Variants in GCN1 observed in about 807,000 individuals in gnomAD.
GCN1 encodes the protein GCN1 activator of EIF2AK4.
GCN1 carries 90 observed loss-of-function variants against 288.4 expected under a neutral mutation model. The ratio of observed to expected loss-of-function variants is 0.31; its 90% CI spans 0.26 to 0.37. The LOEUF (loss-of-function observed/expected upper bound fraction) is 0.37, where lower values mean the gene tolerates loss of function less well. Ranked by LOEUF, GCN1 falls within the 10% of genes least tolerant of loss-of-function variation. The pLI, the probability that GCN1 is intolerant of heterozygous loss-of-function variation, is 1.00. For missense variants in GCN1, 2,586 were observed against 3,419.9 expected (o/e 0.76, Z 6.08); for synonymous variants, 1,386 against 1,420.2 (o/e 0.98, Z 0.54).
At position 120,164,674 on chromosome 12, in the gene GCN1, G is replaced by A. The variant is rs1246025038; in HGVS notation, c.1660C>T (p.Pro554Ser). Residue 554 changes from proline to serine, a missense_variant, in exon 17 of 58, where the codon CCG becomes TCG. Pro to Ser is a moderately conservative substitution (Grantham distance 74). Around this residue, in one of 8 missense-constraint regions of GCN1, gnomAD observed 913 missense variants for 1,107.0 expected, o/e 0.82. Coordinates refer to ENST00000300648, the MANE Select transcript of GCN1 (RefSeq NM_006836.2). ...ACTTTGTTGCCAGTGAGTCTATGCG[G>A]GTGGTCAAGGAAAAGTCTCTCTGTC... Reference protein sequence around the residue: ...HLTERLFLDHPHRLTGNKVQQ... With the variant: ...HLTERLFLDHSHRLTGNKVQQ... The A allele has an allele frequency of 1.9e-6, 3 of 1,613,820 alleles. No individual in the cohort carries two copies. The highest frequency in any genetic ancestry group is 1.7e-5 in the Admixed American group (1 of 60,022).
intron 46 of GCN1, 112 bp downstream of exon 46, chr12:120,138,583 C>T (rs1489413937): frequency 5.1e-6 from 6 of 1,177,052 alleles, no homozygotes; most frequent in Non-Finnish European, 7.5e-6. Context: ...TACCCACTCC[C>T]TCTGGAGGGC....
Position 120,137,974 on chromosome 12 carries a change from C to T in GCN1, c.6320G>A (p.Arg2107His), listed in dbSNP as rs201734893. The T allele has an allele frequency of 2.5e-4, 411 of 1,613,928 alleles. No homozygotes were observed. Among genetic ancestry groups the T allele is most frequent in the Admixed American group, 5.0e-4 (30 of 60,002 alleles). ...LSSVAGDALT[R>H]HLGVILPAVM... ...CGCTGGGAGGATCACGCCAAGATGA[C>T]GGGTGAGGGCATCACCAGCCACTGA... Residue 2107 changes from arginine (R) to histidine (H), a missense_variant, in exon 48 of 58, where the codon CGT (arginine) becomes CAT (histidine). Coordinates refer to ENST00000300648, the MANE Select transcript of GCN1 (RefSeq NM_006836.2). This position sits in a 1 kb window ranked among gnomAD's most constrained non-coding sequence, Gnocchi z 5.2.
rs1286196884 is a variant in GCN1, at chr12:120,144,956, G to T, written c.5122C>A (p.Gln1708Lys). ...PWLMETLTYE[Q>K]SSVDRSGAAQ... ...GCGCCTGAGCGATCCACAGAGCTCT[G>T]CTCATAGGTCAGTGTCTCCATCAGC... The change falls in exon 40 of 58, where the codon CAG becomes AAG. Residue 1708 changes from glutamine (Q) to lysine (K), a missense_variant. Around this residue, in one of 8 missense-constraint regions of GCN1, gnomAD observed 371 missense variants for 572.6 expected, o/e 0.65. Coordinates refer to ENST00000300648, the MANE Select transcript of GCN1 (RefSeq NM_006836.2). The surrounding 1 kb of genome is among the most constrained non-coding windows in gnomAD (Gnocchi z 4.7). 1 of 1,614,172 alleles carries T rather than the reference G, an allele frequency of 6.2e-7. No individual in the cohort carries two copies. The highest frequency in any genetic ancestry group is 1.3e-5 in the African/African-American group (1 of 75,046).
At chr12:120,160,291 C>A in intron 22 of GCN1, 36 bp from the exon 23 acceptor site, 1 of 1,419,406 alleles carries the variant, frequency 7.0e-7, no homozygotes, top group Non-Finnish European at 9.9e-7. Flanking sequence ...ATCCCATCTC[C>A]AGGGAACAGA....
Position 120,134,865 on chromosome 12 carries a change from C to T in GCN1, c.7009-139G>A, listed in dbSNP as rs377644472. Reference sequence around the variant, plus strand: ...CATACAGGGCTGGGGACAGATAGCCCGTCAGAGAGGCCAAACACAGACAGG... The same window carrying T: ...CATACAGGGCTGGGGACAGATAGCCTGTCAGAGAGGCCAAACACAGACAGG... On this transcript the variant is annotated intron_variant, in intron 51 of 57. Coordinates refer to ENST00000300648, the MANE Select transcript of GCN1 (RefSeq NM_006836.2). This position sits in a 1 kb window ranked among gnomAD's most constrained non-coding sequence, Gnocchi z 5.0. 3.3e-5 allele frequency: 23 copies of T among 702,998 alleles called. No homozygotes were observed. The highest frequency in any genetic ancestry group is 1.4e-4 in the African/African-American group (8 of 56,176). The allele number at this position is 702,998 out of a possible 1,614,324, so 43.5% of individuals were successfully genotyped here.
intron 16 of GCN1, among the ~76,000 whole-genome samples, chr12:120,165,229 G>C (rs1021922466): frequency 2.6e-5 from 4 of 151,818 alleles, no homozygotes; most frequent in African/African-American, 7.3e-5. Context: ...TAGAGACTGG[G>C]TTTCACCATG....
At chr12:120,177,056 G>A (rs1050346505) in intron 9 of GCN1, among the ~76,000 whole-genome samples, 22 of 152,166 alleles carry the variant, frequency 1.4e-4, no homozygotes, top group Admixed American at 3.9e-4. Flanking sequence ...ATGAGCCACC[G>A]CGCCTGGCCT....
chr12:120,164,255 G>T, intron 18 of GCN1, 81 bp downstream of exon 18: 1 of 1,243,536 alleles, frequency 8.0e-7, no homozygotes, highest in Non-Finnish European at 1.1e-6. Context: ...CCAGGGAGTG[G>T]CCCAGCCAAA....
intron 54 of GCN1, 38 bp downstream of exon 54, chr12:120,131,888 G>T: frequency 7.5e-7 from 1 of 1,326,480 alleles, no homozygotes; most frequent in Non-Finnish European, 1.1e-6. Context: ...GGGCTGAGAG[G>T]CCCAGGTCCC....
Position 120,142,605 on chromosome 12 carries a change from C to T in GCN1, c.5731G>A (p.Val1911Ile), listed in dbSNP as rs201566795. ...RQASLHVWKIVVSNTPRTLRE... is the reference protein window; with the variant it reads ...RQASLHVWKIIVSNTPRTLRE... ...AAGGTGCGGGGGGTATTGGAGACAA[C>T]AATCTTCCAGACATGCAGGGACGCC... The change falls in exon 44 of 58, where the codon GTT becomes ATT. Residue 1911 changes from valine to isoleucine, a missense_variant. Physicochemically the swap from Val to Ile is conservative, Grantham distance 29. This residue lies in a region of GCN1 where 437 missense variants were observed against 570.5 expected (regional missense o/e 0.77). Transcript: ENST00000300648. This position sits in a 1 kb window ranked among gnomAD's most constrained non-coding sequence, Gnocchi z 4.9. 96 of 1,614,046 alleles carry T rather than the reference C, an allele frequency of 5.9e-5. No individual in the cohort carries two copies. The African/African-American group carries it at 1.1e-3, about 18-fold the overall frequency.
At chr12:120,184,353 T>C in intron 3 of GCN1, 110 bp from the exon 4 acceptor site, 1 of 870,172 alleles carries the variant, frequency 1.1e-6, no homozygotes, top group Non-Finnish European at 1.8e-6. Flanking sequence ...GATCACACCA[T>C]ATTCCAGTGG....
At chr12:120,131,704 C>G (rs943307514) in intron 54 of GCN1, among the ~76,000 whole-genome samples, 1 of 152,214 alleles carries the variant, frequency 6.6e-6, no homozygotes, top group Non-Finnish European at 1.5e-5. Context: ...ACCTTCAACT[C>G]TTGGGCTCAA....
chr12:120,178,219 C>T (rs777066932), intron 7 of GCN1, among the ~76,000 whole-genome samples: 2 of 152,186 alleles, frequency 1.3e-5, no homozygotes, highest in Non-Finnish European at 2.9e-5. Flanking sequence ...CTCACACTTT[C>T]CCTTTGTAGC....
rs374178243 is a variant in GCN1 at position 120,131,323 on chromosome 12, G to T, written c.7425C>A (p.Ser2475=). The T allele has an allele frequency of 2.5e-6, 4 of 1,613,780 alleles. No individual in the cohort carries two copies. The highest frequency in any genetic ancestry group is 8.5e-7 in the Non-Finnish European group (1 of 1,180,010). The part of the protein sequence containing the change: ...VLQQCLLADV[S]GIDWMVRHGR... ...CGTGCCGAACCATCCAGTCAATGCC[G>T]GACACGTCCGCTGGGTGGAAGGACA... The change falls in exon 55 of 58, where the codon TCC becomes TCA. Residue 2475 remains serine, a synonymous_variant. Transcript: ENST00000300648.
chr12:120,156,982 T>C lies in GCN1; in HGVS notation c.3098A>G (p.Glu1033Gly). The change falls in exon 27 of 58, where the codon GAG (glutamate) becomes GGG (glycine). Residue 1033 changes from glutamate (E) to glycine (G), a missense_variant. Glu to Gly is a moderately conservative substitution (Grantham distance 98). Coordinates refer to ENST00000300648, the MANE Select transcript of GCN1 (RefSeq NM_006836.2). The surrounding 1 kb of genome is among the most constrained non-coding windows in gnomAD (Gnocchi z 5.8). The stretch of plus-strand genomic sequence containing the variant: ...CAGCATGGCCACGCGAGGCAGCAAC[T>C]CCGGGCCATTCTAGGAGAGAACGGC... The part of the protein sequence containing the change: ...PPGRVDENGP[E>G]LLPRVAMLRL... 6.2e-7 allele frequency: 1 copy of C among 1,611,494 alleles called. No individual in the cohort carries two copies. Among genetic ancestry groups the C allele is most frequent in the Admixed American group, 1.7e-5 (1 of 59,994 alleles).
chr12:120,171,055 C>T (rs1878298387), intron 14 of GCN1, among the ~76,000 whole-genome samples: 1 of 150,472 alleles, frequency 6.6e-6, no homozygotes. Flanking sequence ...GCAGGAGAAT[C>T]GCTTGAACCC....
intron 16 of GCN1, 98 bp downstream of exon 16, chr12:120,168,110 G>T: frequency 1.3e-6 from 1 of 783,158 alleles, no homozygotes. Context: ...CCAGGTTTTT[G>T]CAGACCTGAC....
At chr12:120,164,992 TACACATATATACAC>T (rs1401245159) in intron 16 of GCN1, among the ~76,000 whole-genome samples, 1 of 126,358 alleles carries the variant, frequency 7.9e-6, no homozygotes, top group African/African-American at 3.2e-5. Context: ...TATACATATA[TACACATATATACAC>T]ACACACACAC....
In GCN1 at chr12:120,127,856, A is replaced by G. The variant is rs757499513; in HGVS notation, c.8009T>C (p.Leu2670Pro). Residue 2670 changes from leucine (L) to proline (P), a missense_variant, in exon 58 of 58, where the codon CTG (leucine) becomes CCG (proline). Transcript: ENST00000300648. ...DSTEQVDDTI[L>P]T Reference sequence around the variant, plus strand: ...GCTGCTGGCCCAGGCCTCTCATGTCAGGATGGTGTCGTCCACCTGCTCCGT... The same window carrying G: ...GCTGCTGGCCCAGGCCTCTCATGTCGGGATGGTGTCGTCCACCTGCTCCGT... 1.9e-6 allele frequency: 3 copies of G among 1,614,140 alleles called. No individual in the cohort carries two copies. Among genetic ancestry groups the G allele is most frequent in the East Asian group, 2.2e-5 (1 of 44,888 alleles).
Sources: allele counts gnomAD v4.1 joint callset (sites outside exome capture counted in the v4.1 genomes callset), GRCh38; gene constraint gnomAD v4.1.1; regional missense constraint gnomAD v4.1.1; non-coding constraint Gnocchi (gnomAD v3.1); transcripts MANE v1.5; gene names NCBI Gene and HGNC (gene_info 2026-07-23, HGNC 2026-07-21).